GRID2: variants seen among roughly 807,000 people sequenced by gnomAD.
GRID2 encodes the protein glutamate ionotropic receptor delta type subunit 2.
GRID2 carries 33 observed loss-of-function variants against 114.8 expected under a neutral mutation model. The observed-to-expected ratio is 0.29, with a 90% confidence interval of 0.22 to 0.38. The LOEUF (loss-of-function observed/expected upper bound fraction) is 0.38, where lower values mean the gene tolerates loss of function less well. Ranked by LOEUF, GRID2 falls within the 10% of genes least tolerant of loss-of-function variation. The pLI, the probability that GRID2 is intolerant of heterozygous loss-of-function variation, is 1.00. For missense variants in GRID2, 1,184 were observed against 1,257.7 expected (o/e 0.94, Z 0.89); for synonymous variants, 505 against 449.9 (o/e 1.12, Z -1.55).
chr4:93,130,720 CT>C (rs1449608386), intron 4 of GRID2, among the ~76,000 whole-genome samples: 5 of 152,072 alleles, frequency 3.3e-5, no homozygotes, highest in African/African-American at 1.2e-4. Flanking sequence ...AGGTCGAGCT[CT>C]TTATTTTTTC....
chr4:93,570,619 C>A (rs989608822), intron 13 of GRID2, among the ~76,000 whole-genome samples: 5 of 152,154 alleles, frequency 3.3e-5, no homozygotes, highest in Non-Finnish European at 5.9e-5. Flanking sequence ...TAATCACTTA[C>A]ATTATGTACA....
chr4:92,574,743 T>C (rs1350278309), intron 1 of GRID2, among the ~76,000 whole-genome samples: 1 of 152,134 alleles, frequency 6.6e-6, no homozygotes, highest in African/African-American at 2.4e-5. Flanking sequence ...TCTCTCTAGC[T>C]GCTCTTAACA....
At chr4:92,455,247 G>A (rs1317567387) in intron 1 of GRID2, among the ~76,000 whole-genome samples, 2 of 152,100 alleles carry the variant, frequency 1.3e-5, no homozygotes, top group Non-Finnish European at 2.9e-5. Context: ...AGTATTTTTT[G>A]AGGTTTGTGG....
chr4:92,573,332 G>C (rs1489147006), intron 1 of GRID2, among the ~76,000 whole-genome samples: 8 of 151,802 alleles, frequency 5.3e-5, no homozygotes, highest in Admixed American at 5.3e-4. Flanking sequence ...CTCTGATCTT[G>C]ATTATTTCTT....
At chr4:93,027,570 T>C (rs1263745718) in intron 2 of GRID2, among the ~76,000 whole-genome samples, 1 of 152,140 alleles carries the variant, frequency 6.6e-6, no homozygotes, top group Admixed American at 6.6e-5. Context: ...GAATATTCAA[T>C]AATTCAAAGC....
chr4:93,662,288 TTTG>T (rs1314578063), intron 14 of GRID2, among the ~76,000 whole-genome samples: 20 of 152,164 alleles, frequency 1.3e-4, no homozygotes, highest in Non-Finnish European at 7.3e-5. Flanking sequence ...CTCTTTCTGC[TTTG>T]TTGTTCTCTA....
At chr4:92,715,596 C>A (rs1468003494) in intron 2 of GRID2, among the ~76,000 whole-genome samples, 4 of 152,076 alleles carry the variant, frequency 2.6e-5, no homozygotes, top group Admixed American at 2.0e-4. Context: ...GGAGGCCTTA[C>A]AATCATGGTG....
chr4:93,305,091 G>T (rs1755277297), intron 8 of GRID2, among the ~76,000 whole-genome samples: 2 of 152,038 alleles, frequency 1.3e-5, no homozygotes, highest in Non-Finnish European at 1.5e-5. Flanking sequence ...TAATGAACCT[G>T]GTAGATTTAG....
intron 2 of GRID2, among the ~76,000 whole-genome samples, chr4:92,891,479 G>A (rs2149469741): frequency 6.6e-6 from 1 of 152,240 alleles, no homozygotes; most frequent in South Asian, 2.1e-4. Context: ...CTCTAAATAA[G>A]AAGTGTGAAG....
chr4:93,517,966 T>TAC (rs1389266381), intron 13 of GRID2, among the ~76,000 whole-genome samples: 1 of 35,558 alleles, frequency 2.8e-5, no homozygotes, highest in African/African-American at 1.3e-4. Context: ...TGTATGTATA[T>TAC]ACATACATGT....
rs141194426 is a variant in GRID2, at chr4:92,791,274, G to A, written c.244+200988G>A. Reference sequence around the variant, plus strand: ...TTTAGATTCAGCCTTATTACTTCCCGCCAGTATCACATTAACAAACAACTC... The same window carrying A: ...TTTAGATTCAGCCTTATTACTTCCCACCAGTATCACATTAACAAACAACTC... On this transcript the variant is annotated intron_variant, in intron 2 of 15. Coordinates refer to ENST00000282020, the MANE Select transcript of GRID2 (RefSeq NM_001510.4). 2.6e-4 allele frequency among the ~76,000 whole-genome samples: 40 copies of A among 151,494 alleles called. 2 individuals are homozygous for A. In the East Asian group the frequency reaches 7.7e-3, roughly 29 times the overall value.
intron 2 of GRID2, among the ~76,000 whole-genome samples, chr4:92,902,952 C>T (rs1242728168): frequency 6.6e-6 from 1 of 151,886 alleles, no homozygotes; most frequent in Non-Finnish European, 1.5e-5. Context: ...ATTTTGGTTA[C>T]TATACCTCAT....
At chr4:93,368,469 T>C (rs1762556732) in intron 8 of GRID2, among the ~76,000 whole-genome samples, 2 of 152,126 alleles carry the variant, frequency 1.3e-5, no homozygotes, top group African/African-American at 4.8e-5. Flanking sequence ...TTGTTACATA[T>C]GTATACATGT....
chr4:93,568,322 G>A (rs1281994742), intron 13 of GRID2, among the ~76,000 whole-genome samples: 2 of 152,300 alleles, frequency 1.3e-5, no homozygotes, highest in East Asian at 3.9e-4. Flanking sequence ...CCCCTGAGGA[G>A]TTCCATGGTT....
At chr4:93,164,739 G>A (rs967014594) in intron 4 of GRID2, 33 of 437,148 alleles carry the variant, frequency 7.5e-5, no homozygotes, top group Admixed American at 9.5e-5. Context: ...TTCAGATGTC[G>A]TTTTAGAAAA....
intron 1 of GRID2, among the ~76,000 whole-genome samples, chr4:92,559,406 A>G (rs1727010907): frequency 6.6e-6 from 1 of 152,104 alleles, no homozygotes; most frequent in Admixed American, 6.6e-5. Flanking sequence ...ATTGTGGGAT[A>G]TTTGCGTTAT....
chr4:92,790,837 T>A (rs1275660790), intron 2 of GRID2, among the ~76,000 whole-genome samples: 1 of 151,924 alleles, frequency 6.6e-6, no homozygotes, highest in African/African-American at 2.4e-5. Context: ...CACTTTTTGT[T>A]GTGTTTTGTT....
At chr4:92,941,577 G>A (rs1751135608) in intron 2 of GRID2, among the ~76,000 whole-genome samples, 1 of 152,150 alleles carries the variant, frequency 6.6e-6, no homozygotes, top group East Asian at 1.9e-4. Context: ...CTTCAGTTCT[G>A]CTCTGATCTT....
In GRID2 at chr4:93,390,719, C is replaced by T. The variant is rs1473386235; in HGVS notation, c.1246-4888C>T. On this transcript the variant is annotated intron_variant, in intron 8 of 15. Transcript: ENST00000282020. Reference sequence around the variant, plus strand: ...AGGATATCATTAAATCAGTTAAATGCTAGTTGATAATAGAGTGATTATTAT... The same window carrying T: ...AGGATATCATTAAATCAGTTAAATGTTAGTTGATAATAGAGTGATTATTAT... Among the ~76,000 whole-genome samples the T allele has an allele frequency of 2.0e-5, 3 of 151,864 alleles. No individual in the cohort carries two copies. In the East Asian group the frequency reaches 5.8e-4, roughly 29 times the overall value.
Sources: gnomAD v4.1 joint callset for allele counts (sites outside exome capture counted in the v4.1 genomes callset) on GRCh38, gnomAD v4.1.1 for gene constraint, MANE v1.5 for transcripts, NCBI Gene and HGNC (gene_info 2026-07-23, HGNC 2026-07-21) for gene names.